Variants in ATM observed in about 807,000 individuals in gnomAD.
ATM encodes serine-protein kinase ATM.
ATM carries 308 observed loss-of-function variants against 387.0 expected under a neutral mutation model. The ratio of observed to expected loss-of-function variants is 0.80; its 90% CI spans 0.73 to 0.87. The LOEUF (loss-of-function observed/expected upper bound fraction) is 0.87, where lower values mean the gene tolerates loss of function less well. ATM is among the 40% of genes least tolerant of loss of function. The pLI is 0.00. For synonymous variants in ATM, 1,156 were observed against 1,187.3 expected, an observed-to-expected ratio of 0.97 and a Z score of 0.54; for missense variants, 3,312 against 3,560.9, an observed-to-expected ratio of 0.93 and a Z score of 1.78.
intron 61 of ATM, 137 bp from the exon 62 acceptor site, chr11:108,364,945 A>G: frequency 1.1e-6 from 1 of 900,748 alleles, no homozygotes; most frequent in Admixed American, 2.2e-5. Flanking sequence ...GGAAACATGA[A>G]GTGTGCATGA....
chr11:108,330,731 G>C (rs1030060348), intron 50 of ATM, among the ~76,000 whole-genome samples: 1 of 152,190 alleles, frequency 6.6e-6, no homozygotes, highest in Non-Finnish European at 1.5e-5. Context: ...AGAGGGTCTA[G>C]AATGGGGCAT....
chr11:108,262,024 A>G lies in ATM; in HGVS notation c.2466+2949A>G, dbSNP rs186864481. 4.1e-3 allele frequency among the ~76,000 whole-genome samples: 631 copies of G among 152,268 alleles called. 18 individuals are homozygous for G. The highest frequency in any genetic ancestry group is 1.9e-3 in the East Asian group (10 of 5,186). On this transcript the variant is annotated intron_variant, in intron 16 of 62. Coordinates refer to ENST00000675843, the MANE Select transcript of ATM (RefSeq NM_000051.4). Reference sequence around the variant, plus strand: ...ACGTCTGATTGGTGCACCTGAAAGTAACGGGGAGAATGGAACCAAGTTGGA... The same window carrying G: ...ACGTCTGATTGGTGCACCTGAAAGTGACGGGGAGAATGGAACCAAGTTGGA...
intron 43 of ATM, 73 bp from the exon 44 acceptor site, chr11:108,319,881 G>A: frequency 4.7e-6 from 5 of 1,067,848 alleles, no homozygotes; most frequent in Non-Finnish European, 5.7e-6. Context: ...TTGTCCTTTG[G>A]TGAAGCTATT....
intron 54 of ATM, 29 bp from the exon 55 acceptor site, chr11:108,334,940 A>G (rs780048287): frequency 1.9e-6 from 3 of 1,599,268 alleles, no homozygotes; most frequent in East Asian, 2.2e-5. Flanking sequence ...TATCTGACCT[A>G]TTATCAATCA....
rs761673223 is a variant in ATM at position 108,284,385 on chromosome 11, G to T, written c.3905G>T (p.Gly1302Val). 1.2e-6 allele frequency: 2 copies of T among 1,613,876 alleles called. No homozygotes were observed. Among genetic ancestry groups the T allele is most frequent in the South Asian group, 1.1e-5 (1 of 91,070 alleles). Residue 1302 changes from glycine (G) to valine (V), a missense_variant, in exon 26 of 63, where the codon GGT (glycine) becomes GTT (valine). Around this residue, in one of 4 missense-constraint regions of ATM, gnomAD observed 1,791 missense variants for 1,804.5 expected, o/e 0.99. Coordinates refer to ENST00000675843, the MANE Select transcript of ATM (RefSeq NM_000051.4). ...VNILPYFAYE[G>V]TRDSGMAQQR... The stretch of plus-strand genomic sequence containing the variant: ...ATTCTTCCTTATTTTGCCTATGAGG[G>T]TACCAGAGACAGTGGGATGGCACAG...
intron 15 of ATM, among the ~76,000 whole-genome samples, chr11:108,258,422 G>A (rs1264320769): frequency 6.6e-6 from 1 of 152,154 alleles, no homozygotes; most frequent in African/African-American, 2.4e-5. Context: ...CCCAAACTAT[G>A]TGGTATGCGT....
intron 53 of ATM, 40 bp from the exon 54 acceptor site, chr11:108,333,846 C>T (rs1367696579): frequency 1.4e-6 from 2 of 1,473,794 alleles, no homozygotes; most frequent in East Asian, 2.3e-5. Context: ...CAATGCTGTT[C>T]CTCAGTTTGT....
chr11:108,283,879 AT>A (rs1273796277), intron 25 of ATM, among the ~76,000 whole-genome samples: 1 of 152,214 alleles, frequency 6.6e-6, no homozygotes, highest in Non-Finnish European at 1.5e-5. Context: ...GGTCAACTGC[AT>A]TTATGTTAGT....
chr11:108,254,572 C>T (rs2135377743), intron 13 of ATM, among the ~76,000 whole-genome samples: 1 of 152,298 alleles, frequency 6.6e-6, no homozygotes, highest in East Asian at 1.9e-4. Context: ...AAATGTCTTT[C>T]TACCTATTTC....
At chr11:108,336,303 C>T (rs2086847464) in intron 56 of ATM, 6 of 196,538 alleles carry the variant, frequency 3.1e-5, no homozygotes, top group South Asian at 3.0e-4. Flanking sequence ...AGCAAGATCC[C>T]GTTTAAAAAA....
In ATM at chr11:108,329,009, G is replaced by A; in HGVS notation, c.7090-12G>A. 1.2e-6 allele frequency: 2 copies of A among 1,609,494 alleles called. No individual in the cohort carries two copies. Among genetic ancestry groups the A allele is most frequent in the East Asian group, 2.2e-5 (1 of 44,792 alleles). ...TGTAAATATAATTTAAATTGGTTGT[G>A]TTTTCTTGAAGGCAGTAGAAGTTGC... On this transcript the variant is annotated splice_polypyrimidine_tract_variant and intron_variant, in intron 48 of 62. Transcript: ENST00000675843.
At chr11:108,285,023 G>A (rs987139544) in intron 26 of ATM, among the ~76,000 whole-genome samples, 4 of 152,094 alleles carry the variant, frequency 2.6e-5, no homozygotes, top group African/African-American at 9.7e-5. Flanking sequence ...GCAGTGGCAT[G>A]ATCTCAGTTC....
intron 56 of ATM, among the ~76,000 whole-genome samples, chr11:108,340,837 T>C (rs2087467299): frequency 6.6e-6 from 1 of 152,208 alleles, no homozygotes; most frequent in Non-Finnish European, 1.5e-5. Context: ...AAATCATCTC[T>C]GGGTTACTTA....
intron 61 of ATM, among the ~76,000 whole-genome samples, chr11:108,359,911 TCAAAAGTTAG>T (rs2090498374): frequency 6.6e-6 from 1 of 151,892 alleles, no homozygotes; most frequent in Non-Finnish European, 1.5e-5. Context: ...GCAAACACAT[TCAAAAGTTAG>T]CAGAAGGCAA....
intron 42 of ATM, among the ~76,000 whole-genome samples, chr11:108,316,753 C>CAAAAAAAA (rs58165074): frequency 7.6e-4 from 55 of 72,392 alleles, no homozygotes; most frequent in African/African-American, 2.1e-3. Context: ...ACTAAAAATA[C>CAAAAAAAA]AAAAAAAAAA....
intron 35 of ATM, 79 bp from the exon 36 acceptor site, chr11:108,302,774 T>G (rs2083490759): frequency 2.3e-6 from 3 of 1,325,676 alleles, no homozygotes; most frequent in Non-Finnish European, 3.2e-6. Flanking sequence ...CAGAAAGATT[T>G]GTTATACTCA....
rs1322974277 is a variant in ATM, at chr11:108,366,407, G to GT, written c.*905dup. 6.4e-5 allele frequency: 14 copies of GT among 217,232 alleles called. No homozygotes were observed. The highest frequency in any genetic ancestry group is 1.3e-4 in the Non-Finnish European group (14 of 108,272). The allele number at this position is 217,232 out of a possible 1,614,324, so 13.5% of individuals were successfully genotyped here. On this transcript the variant is annotated 3_prime_UTR_variant, in exon 63 of 63. Transcript: ENST00000675843. ...ATGTCATTTTTAATGTTTTTTTAAT[G>GT]TTTTTTATGTCACTAATTATTTTAA...
intron 29 of ATM, chr11:108,290,459 C>G (rs1374393120): frequency 6.6e-6 from 1 of 151,456 alleles, no homozygotes; most frequent in Non-Finnish European, 1.5e-5. Context: ...GAAAACCCAT[C>G]TCTACAAAAA....
intron 16 of ATM, among the ~76,000 whole-genome samples, chr11:108,263,100 C>A (rs941540454): frequency 1.3e-5 from 2 of 151,306 alleles, no homozygotes; most frequent in East Asian, 2.0e-4. Context: ...AACAAGTATA[C>A]CCAGGAATTG....
Sources: gnomAD v4.1 joint callset for allele counts (sites outside exome capture counted in the v4.1 genomes callset) on GRCh38, gnomAD v4.1.1 for gene constraint, gnomAD v4.1.1 regional missense constraint, MANE v1.5 for transcripts, NCBI Gene and HGNC (gene_info 2026-07-23, HGNC 2026-07-21) for gene names.